LINGO2: variants seen among roughly 807,000 people sequenced by gnomAD.
The protein encoded by LINGO2 is leucine-rich repeat and immunoglobulin-like domain-containing nogo receptor-interacting protein 2.
A neutral mutation model predicts 30.6 loss-of-function variants in LINGO2; 14 were observed. The observed-to-expected ratio is 0.46, with a 90% CI of 0.30 to 0.72. The LOEUF (loss-of-function observed/expected upper bound fraction) is 0.72. LINGO2 is among the 30% of genes least tolerant of loss of function. The pLI, the probability that LINGO2 is intolerant of heterozygous loss-of-function variation, is 0.07. For synonymous variants in LINGO2, 317 were observed against 288.5 expected (o/e 1.10, Z -1.00); for missense variants, 729 against 751.7 (o/e 0.97, Z 0.35).
the LINGO2 span, among the ~76,000 whole-genome samples, chr9:29,056,723 C>T: frequency 2.0e-5 from 3 of 152,068 alleles, no homozygotes; most frequent in Admixed American, 6.6e-5. Context: ...GGTTTCAGGT[C>T]TTAGATTTAA....
the LINGO2 span, among the ~76,000 whole-genome samples, chr9:28,876,960 G>T: frequency 6.6e-6 from 1 of 152,090 alleles, no homozygotes; most frequent in Non-Finnish European, 1.5e-5. Flanking sequence ...GTGTGAGATG[G>T]TATCTCATTC....
the LINGO2 span, among the ~76,000 whole-genome samples, chr9:28,761,270 G>A: frequency 6.6e-6 from 1 of 151,840 alleles, no homozygotes. Flanking sequence ...TCTTTCTCAA[G>A]CAAAATTATC....
chr9:28,172,190 G>T (rs1432722830), intron 4 of LINGO2, among the ~76,000 whole-genome samples: 1 of 150,544 alleles, frequency 6.6e-6, no homozygotes, highest in South Asian at 2.1e-4. Context: ...AGGAGATCGA[G>T]ACCATCCCGG....
intron 2 of LINGO2, among the ~76,000 whole-genome samples, chr9:28,419,525 C>T (rs1191450573): frequency 6.6e-6 from 1 of 151,436 alleles, no homozygotes; most frequent in African/African-American, 2.4e-5. Flanking sequence ...TGTCCTTAAA[C>T]ATAGAAACGG....
At chr9:29,155,088 C>T in the LINGO2 span, among the ~76,000 whole-genome samples, 2 of 152,146 alleles carry the variant, frequency 1.3e-5, no homozygotes, top group East Asian at 1.9e-4. Context: ...TAGGGACTTG[C>T]ATACAATATT....
At chr9:27,949,779 C>T (rs867220973) in exon 6 of LINGO2, 10 of 1,613,902 alleles carry the variant, frequency 6.2e-6, no homozygotes, top group East Asian at 2.2e-5. Context: ...CTCCTGAAGG[C>T]GGATCAGGTC....
At chr9:28,498,125 A>G (rs1819725434) in intron 1 of LINGO2, among the ~76,000 whole-genome samples, 1 of 152,170 alleles carries the variant, frequency 6.6e-6, no homozygotes, top group Non-Finnish European at 1.5e-5. Context: ...TTGAGGAGGC[A>G]GTCTGACCAT....
At chr9:29,017,250 A>G in the LINGO2 span, among the ~76,000 whole-genome samples, 1 of 152,106 alleles carries the variant, frequency 6.6e-6, no homozygotes. Flanking sequence ...ATAAAAACAG[A>G]TCCAGAGAAA....
chr9:28,367,885 T>C (rs983645288), intron 3 of LINGO2, among the ~76,000 whole-genome samples: 7 of 152,188 alleles, frequency 4.6e-5, no homozygotes, highest in African/African-American at 1.4e-4. Flanking sequence ...TTCTGGTTTA[T>C]TGAACTTTTT....
the LINGO2 span, among the ~76,000 whole-genome samples, chr9:28,866,775 A>T: frequency 7.9e-5 from 12 of 152,216 alleles, no homozygotes; most frequent in Admixed American, 2.6e-4. Context: ...ACCGGGGGGT[A>T]AATTCCAGCT....
chr9:28,390,672 T>C (rs1012852090), intron 2 of LINGO2, among the ~76,000 whole-genome samples: 4 of 152,284 alleles, frequency 2.6e-5, no homozygotes, highest in Non-Finnish European at 4.4e-5. Context: ...AACCTTCCTG[T>C]GCTCCTGCTT....
At chr9:27,955,487 AAAGT>A (rs1242078459) in intron 5 of LINGO2, among the ~76,000 whole-genome samples, 7 of 152,328 alleles carry the variant, frequency 4.6e-5, no homozygotes, top group East Asian at 1.9e-4. Flanking sequence ...TTACCGGCTT[AAAGT>A]AAGCACTGAT....
chr9:29,163,896 G>A, the LINGO2 span, among the ~76,000 whole-genome samples: 1 of 152,128 alleles, frequency 6.6e-6, no homozygotes, highest in Non-Finnish European at 1.5e-5. Flanking sequence ...GCTAATCAAA[G>A]GAGGGAGTCT....
At chr9:28,026,470 A>G (rs1203422541) in intron 4 of LINGO2, among the ~76,000 whole-genome samples, 2 of 152,178 alleles carry the variant, frequency 1.3e-5, no homozygotes, top group Non-Finnish European at 1.5e-5. Context: ...AATAATCTGC[A>G]TTTCTAAGGC....
At chr9:29,100,802 G>C in the LINGO2 span, among the ~76,000 whole-genome samples, 7 of 152,050 alleles carry the variant, frequency 4.6e-5, no homozygotes, top group Non-Finnish European at 8.8e-5. Context: ...TATGTATTGC[G>C]TGCCTGTATC....
chr9:28,430,747 C>G lies in LINGO2; in HGVS notation c.-279+45193G>C, dbSNP rs116141843. 3.2e-3 allele frequency among the ~76,000 whole-genome samples: 491 copies of G among 152,180 alleles called. 3 individuals carry two copies. Among genetic ancestry groups the G allele is most frequent in the African/African-American group, 0.011 (471 of 41,530 alleles). On this transcript the variant is annotated intron_variant, in intron 2 of 5. Transcript: ENST00000379992. ...GGTAGCTTAAAACAACAAATGCTTA[C>G]TTTTTTACAGTTTCTATATGCCAGG...
At chr9:28,479,694 T>C (rs1587729044) in intron 1 of LINGO2, among the ~76,000 whole-genome samples, 2 of 151,376 alleles carry the variant, frequency 1.3e-5, no homozygotes, top group Non-Finnish European at 3.0e-5. Flanking sequence ...ATTTCTTACT[T>C]GTCTTTTCAG....
intron 4 of LINGO2, among the ~76,000 whole-genome samples, chr9:28,039,431 G>A (rs1824098096): frequency 6.6e-6 from 1 of 152,126 alleles, no homozygotes; most frequent in African/African-American, 2.4e-5. Context: ...AACTAACAGT[G>A]GGAAGACAAG....
intron 4 of LINGO2, among the ~76,000 whole-genome samples, chr9:28,140,669 G>A (rs1450645116): frequency 6.6e-6 from 1 of 152,018 alleles, no homozygotes; most frequent in Non-Finnish European, 1.5e-5. Context: ...ACCCATAGAT[G>A]GAGTTATCAC....
Sources: allele counts gnomAD v4.1 joint callset (sites outside exome capture counted in the v4.1 genomes callset), GRCh38; gene constraint gnomAD v4.1.1; transcripts MANE v1.5; gene names NCBI Gene and HGNC (gene_info 2026-07-23, HGNC 2026-07-21).